PLEKHG4: variants seen among roughly 807,000 people sequenced by gnomAD.
PLEKHG4 encodes the protein pleckstrin homology and RhoGEF domain containing G4.
Under a neutral mutation model 136.9 loss-of-function variants are expected in PLEKHG4, and 85 were observed. The observed-to-expected ratio is 0.62, with a 90% confidence interval of 0.52 to 0.74. The LOEUF (loss-of-function observed/expected upper bound fraction) is 0.74. Ranked by LOEUF, PLEKHG4 falls within the 30% of genes least tolerant of loss-of-function variation. The pLI is 0.00. For synonymous variants in PLEKHG4, 577 were observed against 646.9 expected (o/e 0.89, Z 1.64); for missense variants, 1,317 against 1,527.8 (o/e 0.86, Z 2.30).
rs1419034191 is a variant in PLEKHG4, at chr16:67,286,279, GC to G, written c.2449del (p.Gln817SerfsTer18). ...VAYAFLRHRV[Q>X]FGMYALYSKN... Reference sequence around the variant, plus strand: ...TGAGCCACATGTCCTTGTAGAGGGTGCAGTTTGGGATGTACGCGCTCTACAG... The same window carrying G: ...TGAGCCACATGTCCTTGTAGAGGGTGAGTTTGGGATGTACGCGCTCTACAG... On this transcript the variant is annotated frameshift_variant, in exon 15 of 22. Coordinates refer to ENST00000379344, the MANE Select transcript of PLEKHG4 (RefSeq NM_001129729.3). LOFTEE classifies it high-confidence loss of function. The G allele has an allele frequency of 3.1e-6, 5 of 1,612,340 alleles. No individual in the cohort carries two copies. The highest frequency in any genetic ancestry group is 3.4e-6 in the Non-Finnish European group (4 of 1,178,360).
Position 67,282,731 on chromosome 16 carries a change from T to C in PLEKHG4, c.1393-11T>C, listed in dbSNP as rs1239134997. On this transcript the variant is annotated splice_polypyrimidine_tract_variant and intron_variant, in intron 10 of 21. Coordinates refer to ENST00000379344, the MANE Select transcript of PLEKHG4 (RefSeq NM_001129729.3). ...AGCTCTCTTCACTTTTCCCTGCTTGTGCTCCTCCAGATTGAAGTGTGGCTG... is the reference window on the plus strand; with the variant it reads ...AGCTCTCTTCACTTTTCCCTGCTTGCGCTCCTCCAGATTGAAGTGTGGCTG... 6.2e-7 allele frequency: 1 copy of C among 1,613,396 alleles called. No individual in the cohort carries two copies. The highest frequency in any genetic ancestry group is 1.3e-5 in the African/African-American group (1 of 74,928).
In PLEKHG4 at chr16:67,281,201, A is replaced by T; in HGVS notation, c.813+17A>T. ...CAACTACAAGTGAGTACAGGATTGTAGCTCCCCTCATTCCTTTTCTTTTCT... is the reference window on the plus strand; with the variant it reads ...CAACTACAAGTGAGTACAGGATTGTTGCTCCCCTCATTCCTTTTCTTTTCT... On this transcript the variant is annotated intron_variant, in intron 5 of 21. Coordinates refer to ENST00000379344, the MANE Select transcript of PLEKHG4 (RefSeq NM_001129729.3). The T allele has an allele frequency of 1.2e-5, 17 of 1,444,870 alleles. No individual in the cohort carries two copies. The highest frequency in any genetic ancestry group is 1.7e-5 in the Non-Finnish European group (17 of 1,028,006). 89.5% of individuals were successfully genotyped at this position (1,444,870 alleles called of 1,614,324 possible).
At position 67,284,634 on chromosome 16, in the gene PLEKHG4, G is replaced by A; in HGVS notation, c.1693-79G>A. On this transcript the variant is annotated intron_variant, in intron 12 of 21. Transcript: ENST00000379344. This position sits in a 1 kb window ranked among gnomAD's most constrained non-coding sequence, Gnocchi z 4.4. ...TCCTGGACAGCATCCTGTGGGGATG[G>A]GGAGTGGGTAGAGGAGCAGAGTGCC... 3.2e-6 allele frequency: 5 copies of A among 1,556,184 alleles called. No individual in the cohort carries two copies. The highest frequency in any genetic ancestry group is 2.3e-5 in the East Asian group (1 of 43,698).
intron 14 of PLEKHG4, 67 bp downstream of exon 14, chr16:67,285,603 T>A: frequency 6.4e-7 from 1 of 1,563,982 alleles, no homozygotes; most frequent in Non-Finnish European, 8.7e-7. Flanking sequence ...GCTGGGCACA[T>A]GCTTGGTGCC....
In PLEKHG4 at chr16:67,282,522, G is replaced by A; in HGVS notation, c.1273G>A (p.Asp425Asn). The change falls in exon 10 of 22, where the codon GAC becomes AAC. Residue 425 changes from aspartate (D) to asparagine (N), a missense_variant. Physicochemically the swap from Asp to Asn is conservative, Grantham distance 23 (BLOSUM62 1). Transcript: ENST00000379344. The part of the protein sequence containing the change: ...PDYRTAMDKA[D>N]ELYDRVDGLL... The stretch of plus-strand genomic sequence containing the variant: ...CACCAGGACGGCAATGGACAAGGCT[G>A]ACGAGCTATATGACCGGGTGGATGG... 1 of 1,614,144 alleles carries A rather than the reference G, an allele frequency of 6.2e-7. No homozygotes were observed. Among genetic ancestry groups the A allele is most frequent in the Non-Finnish European group, 8.5e-7 (1 of 1,180,044 alleles).
intron 11 of PLEKHG4, among the ~76,000 whole-genome samples, chr16:67,283,430 G>A (rs544818305): frequency 5.3e-5 from 8 of 152,272 alleles, no homozygotes; most frequent in Admixed American, 2.6e-4. Flanking sequence ...GATTGCCTTC[G>A]TTTCCGAGTA....
chr16:67,279,208 C>T (rs2036092727), upstream of PLEKHG4: 1 of 151,980 alleles, frequency 6.6e-6, no homozygotes, highest in Admixed American at 6.6e-5. Flanking sequence ...TCGCCAGGCC[C>T]GGGGAGTGGG....
Position 67,279,864 on chromosome 16 carries a change from C to G in PLEKHG4, c.-169-12C>G. 3.2e-6 allele frequency: 2 copies of G among 633,298 alleles called. No individual in the cohort carries two copies. Among genetic ancestry groups the G allele is most frequent in the East Asian group, 2.7e-5 (1 of 36,418 alleles). 39.2% of individuals were successfully genotyped at this position (633,298 alleles called of 1,614,324 possible). A position where few individuals can be genotyped will look rare whatever the true frequency, so the allele number is the denominator to read the frequency against. ...ACAGAGGGACACCCTTAACGTTATT[C>G]CCTCTTCCCAGGCCTGAATTGCAGT... On this transcript the variant is annotated splice_polypyrimidine_tract_variant and intron_variant, in intron 1 of 21. Transcript: ENST00000379344.
chr16:67,286,122 G>C (rs1015999391), intron 14 of PLEKHG4, 152 bp from the exon 15 acceptor site: 1 of 696,698 alleles, frequency 1.4e-6, no homozygotes, highest in Admixed American at 2.0e-5. Flanking sequence ...ATCACCCCTT[G>C]TTCAAAGCAG....
At chr16:67,279,361 G>A (rs2036100214), upstream of PLEKHG4, 1 of 152,078 alleles carries the variant, frequency 6.6e-6, no homozygotes, top group Non-Finnish European at 1.5e-5. Flanking sequence ...ACGGCGGCGG[G>A]CGGGGGTTGC....
chr16:67,284,220 CTG>C lies in PLEKHG4; in HGVS notation c.1510-54_1510-53del. 1 of 1,517,808 alleles carries C rather than the reference CTG, an allele frequency of 6.6e-7. No homozygotes were observed. Among genetic ancestry groups the C allele is most frequent in the South Asian group, 1.2e-5 (1 of 86,786 alleles). The allele number at this position is 1,517,808 out of a possible 1,614,324, so 94.0% of individuals were successfully genotyped here. On this transcript the variant is annotated intron_variant, in intron 11 of 21. Transcript: ENST00000379344. The surrounding 1 kb of genome is among the most constrained non-coding windows in gnomAD (Gnocchi z 4.4). ...ATATGTCAGCAGGAAGTATCTGAGT[CTG>C]GGGGCTAGACCGCCAGGCCTGGGCT... is the stretch of plus-strand genomic sequence containing the variant.
rs773154724 is a variant in PLEKHG4, at chr16:67,280,009, G to T, written c.-36G>T. On this transcript the variant is annotated 5_prime_UTR_variant, in exon 2 of 22. Coordinates refer to ENST00000379344, the MANE Select transcript of PLEKHG4 (RefSeq NM_001129729.3). The surrounding 1 kb of genome is among the most constrained non-coding windows in gnomAD (Gnocchi z 4.4). ...TCACACTGAGACCCAGCCCTCTCCC[G>T]CTGGCCCCGAGCAGGCCCACCTTTA... is the stretch of plus-strand genomic sequence containing the variant. 1 of 1,604,412 alleles carries T rather than the reference G, an allele frequency of 6.2e-7. No individual in the cohort carries two copies. Among genetic ancestry groups the T allele is most frequent in the South Asian group, 1.1e-5 (1 of 90,298 alleles).
rs1004309310 is a variant in PLEKHG4 at position 67,286,357 on chromosome 16, C to T, written c.2526C>T (p.Phe842=). ...DALMSSYGHT[F]FKDKQQALGD... ...TGATGTCAAGCTATGGGCACACCTT[C>T]TTCAAGGTAAGTGAACCTGAGATTA... The change falls in exon 15 of 22, where the codon TTC becomes TTT. Residue 842 remains phenylalanine (F), a synonymous_variant. Coordinates refer to ENST00000379344, the MANE Select transcript of PLEKHG4 (RefSeq NM_001129729.3). The T allele has an allele frequency of 6.2e-7, 1 of 1,613,434 alleles. No individual in the cohort carries two copies. Among genetic ancestry groups the T allele is most frequent in the African/African-American group, 1.3e-5 (1 of 74,898 alleles).
In PLEKHG4 at chr16:67,282,605, C is replaced by G. The variant is rs773379088; in HGVS notation, c.1356C>G (p.Val452=). 1.2e-6 allele frequency: 2 copies of G among 1,614,012 alleles called. No individual in the cohort carries two copies. Among genetic ancestry groups the G allele is most frequent in the South Asian group, 1.1e-5 (1 of 91,088 alleles). Residue 452 remains valine (V), a synonymous_variant, in exon 10 of 22, where the codon GTC becomes GTG. Coordinates refer to ENST00000379344, the MANE Select transcript of PLEKHG4 (RefSeq NM_001129729.3). Reference sequence around the variant, plus strand: ...AGCGAATACAGGCCCTAGAGTTGGTCCAAACACTGGAGGCCCGGGAAAGCG... The same window carrying G: ...AGCGAATACAGGCCCTAGAGTTGGTGCAAACACTGGAGGCCCGGGAAAGCG... ...SNQRIQALEL[V]QTLEARESGL... is the part of the protein sequence containing the mutation.
At chr16:67,288,120 CAG>C in intron 19 of PLEKHG4, 45 bp from the exon 20 acceptor site, 1 of 1,577,992 alleles carries the variant, frequency 6.3e-7, no homozygotes, top group Non-Finnish European at 8.7e-7. Flanking sequence ...GATCTGGGGC[CAG>C]GCTAGGCTCT....
chr16:67,281,679 G>A (rs1225199838), intron 6 of PLEKHG4, 35 bp downstream of exon 6: 3 of 1,612,268 alleles, frequency 1.9e-6, no homozygotes, highest in South Asian at 1.1e-5. Context: ...TAGAGGTGGG[G>A]TGCCTCCCCC....
chr16:67,284,342 C>T lies in PLEKHG4; in HGVS notation c.1577C>T (p.Pro526Leu), dbSNP rs759161489. Residue 526 changes from proline (P) to leucine (L), a missense_variant, in exon 12 of 22, where the codon CCC becomes CTC. Coordinates refer to ENST00000379344, the MANE Select transcript of PLEKHG4 (RefSeq NM_001129729.3). This position sits in a 1 kb window ranked among gnomAD's most constrained non-coding sequence, Gnocchi z 4.4. ...LTGWEAAELD[P>L]PGARFLALRA... ...GGCTGGGAGGCGGCTGAACTGGACC[C>T]CCCTGGGGCACGCTTTCTGGCCCTG... The T allele has an allele frequency of 1.1e-5, 17 of 1,613,818 alleles. No individual in the cohort carries two copies. The East Asian group carries it at 3.8e-4, about 36-fold the overall frequency.
intron 18 of PLEKHG4, 66 bp from the exon 19 acceptor site, chr16:67,287,832 G>C: frequency 1.0e-6 from 1 of 989,998 alleles, no homozygotes; most frequent in South Asian, 1.3e-5. Flanking sequence ...TTATCTGGGG[G>C]GTGGTAGAGG....
chr16:67,281,921 A>G, intron 7 of PLEKHG4, 84 bp downstream of exon 7: 1 of 1,549,648 alleles, frequency 6.5e-7, no homozygotes, highest in South Asian at 1.1e-5. Context: ...GGCTTGAACC[A>G]GACAAAGCTG....
Sources: allele counts gnomAD v4.1 joint callset (sites outside exome capture counted in the v4.1 genomes callset), GRCh38; gene constraint gnomAD v4.1.1; non-coding constraint Gnocchi (gnomAD v3.1); transcripts MANE v1.5; gene names NCBI Gene and HGNC (gene_info 2026-07-23, HGNC 2026-07-21).